The following JAKMIP1 variants were observed in gnomAD, a reference collection of about 807,000 sequenced individuals.
The protein encoded by JAKMIP1 is janus kinase and microtubule-interacting protein 1.
JAKMIP1 carries 33 observed loss-of-function variants against 113.0 expected under a neutral mutation model. That is an observed-to-expected ratio of 0.29 (90% confidence interval 0.22 to 0.39). The LOEUF (loss-of-function observed/expected upper bound fraction) is 0.39, where lower values mean the gene tolerates loss of function less well. Ranked by LOEUF, JAKMIP1 falls within the 10% of genes least tolerant of loss-of-function variation. JAKMIP1 has a pLI of 1.00. For missense variants in JAKMIP1, 813 were observed against 1,080.5 expected (o/e 0.75, Z 3.47); for synonymous variants, 480 against 459.9 (o/e 1.04, Z -0.56).
intron 1 of JAKMIP1, among the ~76,000 whole-genome samples, chr4:6,146,130 A>C (rs757026735): frequency 6.6e-5 from 10 of 151,348 alleles, no homozygotes; most frequent in Non-Finnish European, 1.2e-4. Flanking sequence ...AGATGCATGA[A>C]CCTTGAGGAC....
At position 6,062,389 on chromosome 4, in the gene JAKMIP1, A is replaced by C. The variant is rs1334515841; in HGVS notation, c.1483T>G (p.Tyr495Asp). The stretch of plus-strand genomic sequence containing the variant: ...GCGTAGGCGCGTTGCAGGGCCTGGT[A>C]CTCCCGGGTCAGCTGGCAGAAGCGC... ...DLRFCQLTREYQALQRAYALL... is the reference protein window; with the variant it reads ...DLRFCQLTREDQALQRAYALL... The change falls in exon 10 of 21, where the codon TAC (tyrosine) becomes GAC (aspartate). Residue 495 changes from tyrosine (Y) to aspartate (D), a missense_variant. Coordinates refer to ENST00000409021, the MANE Select transcript of JAKMIP1 (RefSeq NM_001099433.2). 1 of 1,613,602 alleles carries C rather than the reference A, an allele frequency of 6.2e-7. No homozygotes were observed. Among genetic ancestry groups the C allele is most frequent in the African/African-American group, 1.3e-5 (1 of 74,916 alleles).
intron 1 of JAKMIP1, among the ~76,000 whole-genome samples, chr4:6,146,905 G>A (rs1002776724): frequency 2.0e-5 from 3 of 152,184 alleles, no homozygotes; most frequent in African/African-American, 7.2e-5. Flanking sequence ...TAAAGGATGA[G>A]AATTTCTAAA....
rs1459917227 is a variant in JAKMIP1 at position 6,080,561 on chromosome 4, T to C, written c.1102-249A>G. ...TGAATCATGGTGGCGGTTTCTCTCA[T>C]ACTATTCTCGTGGTTGTGAATAAGT... On this transcript the variant is annotated intron_variant, in intron 6 of 20. Transcript: ENST00000409021. This position sits in a 1 kb window ranked among gnomAD's most constrained non-coding sequence, Gnocchi z 6.0. Among the ~76,000 whole-genome samples the C allele has an allele frequency of 6.6e-6, 1 of 152,158 alleles. No individual in the cohort carries two copies. Among genetic ancestry groups the C allele is most frequent in the African/African-American group, 2.4e-5 (1 of 41,436 alleles).
rs1407066278 is a variant in JAKMIP1, at chr4:6,197,845, A to G, written c.-148+2408T>C. On this transcript the variant is annotated intron_variant, in intron 1 of 20. Coordinates refer to ENST00000409021, the MANE Select transcript of JAKMIP1 (RefSeq NM_001099433.2). This position sits in a 1 kb window ranked among gnomAD's most constrained non-coding sequence, Gnocchi z 6.5. ...CAGATAGCCATAGCCTGCAGTGGCA[A>G]TTGCTGCTGGCTTAAGCATTAGAAA... 6.6e-6 allele frequency among the ~76,000 whole-genome samples: 1 copy of G among 152,230 alleles called. No homozygotes were observed. The highest frequency in any genetic ancestry group is 1.9e-4 in the East Asian group (1 of 5,204).
intron 19 of JAKMIP1, 93 bp from the exon 20 acceptor site, chr4:6,029,874 G>T: frequency 1.1e-6 from 1 of 884,532 alleles, no homozygotes. Context: ...CACAGAAGCT[G>T]TAAAGGATAC....
At chr4:6,037,755 G>T (rs1178998684) in intron 18 of JAKMIP1, among the ~76,000 whole-genome samples, 7 of 131,614 alleles carry the variant, frequency 5.3e-5, no homozygotes, top group African/African-American at 1.2e-4. Flanking sequence ...CTAACTGGTA[G>T]CCCTCCATCA....
At chr4:6,053,367 G>A (rs528606527) in intron 13 of JAKMIP1, among the ~76,000 whole-genome samples, 1 of 152,338 alleles carries the variant, frequency 6.6e-6, no homozygotes, top group African/African-American at 2.4e-5. Flanking sequence ...GGTGCAGTTT[G>A]AGTTGCAAAT....
At chr4:6,115,021 G>A (rs1156658997) in intron 1 of JAKMIP1, among the ~76,000 whole-genome samples, 1 of 152,228 alleles carries the variant, frequency 6.6e-6, no homozygotes, top group Non-Finnish European at 1.5e-5. Context: ...ACAAGGCTCA[G>A]CCAGAAGGGA....
chr4:6,192,533 G>A lies in JAKMIP1; in HGVS notation c.-148+7720C>T, dbSNP rs975608591. Among the ~76,000 whole-genome samples the A allele has an allele frequency of 2.0e-5, 3 of 152,178 alleles. No individual in the cohort carries two copies. The highest frequency in any genetic ancestry group is 6.5e-5 in the Admixed American group (1 of 15,288). On this transcript the variant is annotated intron_variant, in intron 1 of 20. Transcript: ENST00000409021. This position sits in a 1 kb window ranked among gnomAD's most constrained non-coding sequence, Gnocchi z 5.0. ...TCCAAAACCAACCCCAAGAGATAGG[G>A]ACATTCTCTTTATTTCACAAAAGAA...
chr4:6,049,801 C>G lies in JAKMIP1; in HGVS notation c.1962+18G>C, dbSNP rs577757065. On this transcript the variant is annotated intron_variant, in intron 15 of 20. Transcript: ENST00000409021. The surrounding 1 kb of genome is among the most constrained non-coding windows in gnomAD (Gnocchi z 7.0). ...CAAAACAAGAACACGAAAGCAGAAA[C>G]CGATCGCTCATAGTTACCCCGTTAT... 53 of 1,596,568 alleles carry G rather than the reference C, an allele frequency of 3.3e-5. No homozygotes were observed. In the South Asian group the frequency reaches 5.6e-4, roughly 17 times the overall value.
chr4:6,199,779 C>T lies in JAKMIP1; in HGVS notation c.-148+474G>A, dbSNP rs1728246576. 2.0e-5 allele frequency among the ~76,000 whole-genome samples: 3 copies of T among 151,264 alleles called. No homozygotes were observed. In the South Asian group the frequency reaches 6.3e-4, roughly 32 times the overall value. ...AGCTCCATCTTCTTTGCCACCTGGG[C>T]GGAGATCTGGGGGACTGTGACCTAC... On this transcript the variant is annotated intron_variant, in intron 1 of 20. Coordinates refer to ENST00000409021, the MANE Select transcript of JAKMIP1 (RefSeq NM_001099433.2). This position sits in a 1 kb window ranked among gnomAD's most constrained non-coding sequence, Gnocchi z 5.6.
rs970819571 is a variant in JAKMIP1 at position 6,169,658 on chromosome 4, C to T, written c.-148+30595G>A. 5.4e-5 allele frequency among the ~76,000 whole-genome samples: 8 copies of T among 148,268 alleles called. No homozygotes were observed. In the East Asian group the frequency reaches 6.0e-4, roughly 11 times the overall value. ...GTGTGTGTGAATTATTTTCAGATGA[C>T]GAAACTGCTGATCTAAGAATCACAC... On this transcript the variant is annotated intron_variant, in intron 1 of 20. Coordinates refer to ENST00000409021, the MANE Select transcript of JAKMIP1 (RefSeq NM_001099433.2).
In JAKMIP1 at chr4:6,156,078, A is replaced by G. The variant is rs1722203975; in HGVS notation, c.-147-43081T>C. On this transcript the variant is annotated intron_variant, in intron 1 of 20. Coordinates refer to ENST00000409021, the MANE Select transcript of JAKMIP1 (RefSeq NM_001099433.2). The surrounding 1 kb of genome is among the most constrained non-coding windows in gnomAD (Gnocchi z 5.0). Reference sequence around the variant, plus strand: ...ATTTGGTGATCCAGAAAACCCATCCATCAACAAACTATTCTGAAATAATCT... The same window carrying G: ...ATTTGGTGATCCAGAAAACCCATCCGTCAACAAACTATTCTGAAATAATCT... 6.6e-6 allele frequency among the ~76,000 whole-genome samples: 1 copy of G among 152,218 alleles called. No homozygotes were observed.
At chr4:6,029,908 G>A in intron 19 of JAKMIP1, 127 bp from the exon 20 acceptor site, 1 of 682,682 alleles carries the variant, frequency 1.5e-6, no homozygotes, top group Admixed American at 2.2e-5. Context: ...AGCCTGATGA[G>A]CTCTGATACA....
At chr4:6,123,391 A>G (rs1174012017) in intron 1 of JAKMIP1, among the ~76,000 whole-genome samples, 2 of 152,248 alleles carry the variant, frequency 1.3e-5, no homozygotes, top group Non-Finnish European at 2.9e-5. Context: ...GGAAGACAGC[A>G]TCGTGCAAAA....
rs1210989874 is a variant in JAKMIP1, at chr4:6,116,042, T to C, written c.-147-3045A>G. 6.6e-6 allele frequency among the ~76,000 whole-genome samples: 1 copy of C among 152,104 alleles called. No homozygotes were observed. The highest frequency in any genetic ancestry group is 2.4e-5 in the African/African-American group (1 of 41,416). On this transcript the variant is annotated intron_variant, in intron 1 of 20. Coordinates refer to ENST00000409021, the MANE Select transcript of JAKMIP1 (RefSeq NM_001099433.2). This position sits in a 1 kb window ranked among gnomAD's most constrained non-coding sequence, Gnocchi z 5.1. ...TGGGCTGATACCAAGCCTGGTACTCTCAACACCCCATGCCAGACACTGCCA... is the reference window on the plus strand; with the variant it reads ...TGGGCTGATACCAAGCCTGGTACTCCCAACACCCCATGCCAGACACTGCCA...
rs1281582322 is a variant in JAKMIP1 at position 6,153,797 on chromosome 4, A to G, written c.-147-40800T>C. 2.6e-5 allele frequency among the ~76,000 whole-genome samples: 4 copies of G among 152,238 alleles called. No homozygotes were observed. Among genetic ancestry groups the G allele is most frequent in the African/African-American group, 4.8e-5 (2 of 41,458 alleles). On this transcript the variant is annotated intron_variant, in intron 1 of 20. Transcript: ENST00000409021. This position sits in a 1 kb window ranked among gnomAD's most constrained non-coding sequence, Gnocchi z 4.9. ...TATTTTATAACTATAAGATACAGTT[A>G]TATTTTCCCTAATGCACACTAAAGT...
chr4:6,030,264 A>G (rs1197228721), intron 19 of JAKMIP1, among the ~76,000 whole-genome samples: 1 of 152,078 alleles, frequency 6.6e-6, no homozygotes, highest in East Asian at 1.9e-4. Flanking sequence ...GGAGAAGGGC[A>G]GAGGAGGTCA....
chr4:6,052,637 C>T (rs989734528), intron 13 of JAKMIP1, among the ~76,000 whole-genome samples: 7 of 122,428 alleles, frequency 5.7e-5, no homozygotes, highest in African/African-American at 2.4e-4. Flanking sequence ...GGTGACAGAG[C>T]GAGACTCTGT....
Sources: allele counts gnomAD v4.1 joint callset (sites outside exome capture counted in the v4.1 genomes callset), GRCh38; gene constraint gnomAD v4.1.1; non-coding constraint Gnocchi (gnomAD v3.1); transcripts MANE v1.5; gene names NCBI Gene and HGNC (gene_info 2026-07-23, HGNC 2026-07-21).